CNTN4: variants seen among roughly 807,000 people sequenced by gnomAD.
CNTN4 encodes the protein contactin 4, also known as contactin-4.
CNTN4 carries 77 observed loss-of-function variants against 122.5 expected under a neutral mutation model. The ratio of observed to expected loss-of-function variants is 0.63; its 90% confidence interval spans 0.52 to 0.76. The LOEUF is 0.76. CNTN4 is among the 30% of genes least tolerant of loss of function. The pLI is 0.00. For synonymous variants in CNTN4, 512 were observed against 447.0 expected (o/e 1.15, Z -1.83); for missense variants, 1,256 against 1,259.1 (o/e 1.00, Z 0.04).
At chr3:2,750,093 A>C (rs2090017362) in intron 6 of CNTN4, among the ~76,000 whole-genome samples, 1 of 152,222 alleles carries the variant, frequency 6.6e-6, no homozygotes, top group Non-Finnish European at 1.5e-5. Context: ...CTTTTTAAAA[A>C]TGAAATTGAA....
intron 3 of CNTN4, among the ~76,000 whole-genome samples, chr3:2,520,240 A>T (rs2077159878): frequency 7.1e-6 from 1 of 141,704 alleles, no homozygotes; most frequent in East Asian, 2.1e-4. Flanking sequence ...ATAGAAAAAG[A>T]TAGGTTGGTG....
At chr3:2,644,193 A>C (rs1275489804) in intron 4 of CNTN4, among the ~76,000 whole-genome samples, 2 of 152,214 alleles carry the variant, frequency 1.3e-5, no homozygotes, top group East Asian at 3.9e-4. Flanking sequence ...CCTACAGGCA[A>C]GTCCTAATGG....
intron 3 of CNTN4, among the ~76,000 whole-genome samples, chr3:2,458,088 C>T (rs1329758205): frequency 6.6e-6 from 1 of 152,230 alleles, no homozygotes; most frequent in African/African-American, 2.4e-5. Context: ...TTCTCTACAG[C>T]ATTGCAAACT....
intron 3 of CNTN4, among the ~76,000 whole-genome samples, chr3:2,466,670 A>G (rs542528656): frequency 2.4e-4 from 37 of 152,300 alleles, no homozygotes; most frequent in African/African-American, 8.7e-4. Context: ...AGGGGGTGTC[A>G]TACATGCATT....
Position 2,385,065 on chromosome 3 carries a change from T to A in CNTN4, c.-89+45832T>A, listed in dbSNP as rs557211912. Among the ~76,000 whole-genome samples, 1 of 152,184 alleles carries A rather than the reference T, an allele frequency of 6.6e-6. No individual in the cohort carries two copies. The highest frequency in any genetic ancestry group is 2.4e-5 in the African/African-American group (1 of 41,448). ...TACTCTTCCTTCCTAACTGGTCTAT[T>A]CTGGTATTACCCAGAACAAATAAAT... On this transcript the variant is annotated intron_variant, in intron 3 of 24. Transcript: ENST00000418658. The surrounding 1 kb of genome is among the most constrained non-coding windows in gnomAD (Gnocchi z 4.0).
chr3:2,788,245 G>A (rs773900887), intron 6 of CNTN4, among the ~76,000 whole-genome samples: 1 of 152,106 alleles, frequency 6.6e-6, no homozygotes, highest in Admixed American at 6.5e-5. Context: ...AGTAATTCAG[G>A]CACCCAAGGG....
chr3:2,461,787 A>T (rs552598502), intron 3 of CNTN4, among the ~76,000 whole-genome samples: 6 of 152,332 alleles, frequency 3.9e-5, no homozygotes, highest in African/African-American at 1.2e-4. Context: ...TCATTTACTT[A>T]ATAACTACTG....
intron 14 of CNTN4, among the ~76,000 whole-genome samples, chr3:3,012,389 T>G (rs1697319101): frequency 6.6e-6 from 1 of 152,074 alleles, no homozygotes; most frequent in South Asian, 2.1e-4. Context: ...TAGCTAGCAT[T>G]TTTTGAGCAC....
chr3:2,242,211 C>G (rs781779489), intron 2 of CNTN4, among the ~76,000 whole-genome samples: 3 of 152,068 alleles, frequency 2.0e-5, no homozygotes, highest in Non-Finnish European at 4.4e-5. Context: ...TGCTTTGCTT[C>G]TCTAATGTAT....
chr3:3,043,096 C>T lies in CNTN4; in HGVS notation c.2631C>T (p.Val877=). The part of the protein sequence containing the change: ...LKGSVLYHLA[V]KAYNSAGTGP... The stretch of plus-strand genomic sequence containing the variant: ...GCAGTGTGCTGTATCACTTAGCTGT[C>T]AAGGCATATAATTCTGCTGGGACAG... The change falls in exon 22 of 25, where the codon GTC becomes GTT. Residue 877 remains valine (V), a synonymous_variant. Transcript: ENST00000418658. 6.2e-7 allele frequency: 1 copy of T among 1,614,188 alleles called. No homozygotes were observed. Among genetic ancestry groups the T allele is most frequent in the South Asian group, 1.1e-5 (1 of 91,084 alleles).
intron 10 of CNTN4, chr3:2,892,081 G>A (rs1346540473): frequency 6.6e-6 from 1 of 152,210 alleles, no homozygotes; most frequent in African/African-American, 2.4e-5. Context: ...GTCCCAAAGA[G>A]ATTAAAGTAA....
At chr3:3,022,041 A>G (rs1698341847) in intron 14 of CNTN4, among the ~76,000 whole-genome samples, 1 of 150,662 alleles carries the variant, frequency 6.6e-6, no homozygotes, top group Admixed American at 6.7e-5. Context: ...CCGGAGCAAC[A>G]TGGCAAAAAC....
chr3:2,228,023 A>G (rs1386857278), intron 2 of CNTN4, among the ~76,000 whole-genome samples: 2 of 151,998 alleles, frequency 1.3e-5, no homozygotes, highest in South Asian at 2.1e-4. Context: ...TGAAAACAAA[A>G]TGTTTATTTT....
intron 6 of CNTN4, among the ~76,000 whole-genome samples, chr3:2,764,240 T>C (rs1007179241): frequency 1.3e-5 from 2 of 152,128 alleles, no homozygotes; most frequent in African/African-American, 2.4e-5. Context: ...TGATCACCAA[T>C]TGAGACAAAT....
At chr3:2,270,068 G>C (rs2041222781) in intron 2 of CNTN4, among the ~76,000 whole-genome samples, 1 of 93,212 alleles carries the variant, frequency 1.1e-5, no homozygotes, top group African/African-American at 3.3e-5. Context: ...TCCTGCCTCA[G>C]CCTCCCCAGT....
intron 2 of CNTN4, among the ~76,000 whole-genome samples, chr3:2,224,714 A>G (rs1220830783): frequency 1.3e-5 from 2 of 152,226 alleles, no homozygotes; most frequent in African/African-American, 4.8e-5. Flanking sequence ...CTAAATGTGC[A>G]GTAAATGTTA....
chr3:2,290,263 A>T (rs1192216840), intron 2 of CNTN4, among the ~76,000 whole-genome samples: 1 of 152,190 alleles, frequency 6.6e-6, no homozygotes, highest in Non-Finnish European at 1.5e-5. Context: ...TCCGGGCCAT[A>T]ATGCAGGAAG....
At chr3:2,348,711 C>T (rs948116208) in intron 3 of CNTN4, among the ~76,000 whole-genome samples, 2 of 152,152 alleles carry the variant, frequency 1.3e-5, no homozygotes, top group Non-Finnish European at 2.9e-5. Context: ...AAGTTTCTAA[C>T]ATCAGCTTCC....
rs556814028 is a variant in CNTN4 at position 2,984,383 on chromosome 3, C to A, written c.1359-3962C>A. Reference sequence around the variant, plus strand: ...ATTTTGACCCCCAGGGTATCTTTGACAATCTCTGGAGACATTTTTGATTGT... The same window carrying A: ...ATTTTGACCCCCAGGGTATCTTTGAAAATCTCTGGAGACATTTTTGATTGT... On this transcript the variant is annotated intron_variant, in intron 13 of 24. Transcript: ENST00000418658. Among the ~76,000 whole-genome samples, 22 of 152,302 alleles carry A rather than the reference C, an allele frequency of 1.4e-4. No individual in the cohort carries two copies. In the South Asian group the frequency reaches 4.6e-3, roughly 32 times the overall value.
Sources: allele counts gnomAD v4.1 joint callset (sites outside exome capture counted in the v4.1 genomes callset), GRCh38; gene constraint gnomAD v4.1.1; non-coding constraint Gnocchi (gnomAD v3.1); transcripts MANE v1.5; gene names NCBI Gene and HGNC (gene_info 2026-07-23, HGNC 2026-07-21).